Variants in NPAS3 observed in about 807,000 individuals in gnomAD.
The protein encoded by NPAS3 is neuronal PAS domain protein 3, also known as neuronal PAS domain-containing protein 3.
In NPAS3, 14 loss-of-function variants were observed where a neutral mutation model predicts 73.1. That is an observed-to-expected ratio of 0.19 (90% CI 0.13 to 0.30). The LOEUF (loss-of-function observed/expected upper bound fraction) is 0.30, where lower values mean the gene tolerates loss of function less well. Ranked by LOEUF, NPAS3 falls within the 10% of genes least tolerant of loss-of-function variation. The pLI, the probability that NPAS3 is intolerant of heterozygous loss-of-function variation, is 1.00. For missense variants in NPAS3, 1,096 were observed against 1,250.0 expected, an observed-to-expected ratio of 0.88 and a Z score of 1.86; for synonymous variants, 620 against 541.5, an observed-to-expected ratio of 1.14 and a Z score of -2.01.
chr14:33,194,084 T>G (rs776415178), intron 2 of NPAS3, among the ~76,000 whole-genome samples: 1 of 152,218 alleles, frequency 6.6e-6, no homozygotes. Context: ...AAAAATGTTT[T>G]ATTTTCTGCC....
chr14:33,125,272 A>G (rs1340993506), intron 2 of NPAS3, among the ~76,000 whole-genome samples: 3 of 152,080 alleles, frequency 2.0e-5, no homozygotes, highest in African/African-American at 7.2e-5. Context: ...TAGGTCATAT[A>G]TGAGATATGA....
downstream of NPAS3, chr14:33,802,387 A>G (rs546190888): frequency 6.0e-5 from 9 of 150,448 alleles, no homozygotes; most frequent in Admixed American, 2.0e-4. Context: ...AAAAAAAAAA[A>G]AAAAGAAAAA....
At chr14:33,695,764 A>C (rs2060359369) in intron 6 of NPAS3, among the ~76,000 whole-genome samples, 1 of 152,214 alleles carries the variant, frequency 6.6e-6, no homozygotes, top group East Asian at 1.9e-4. Flanking sequence ...CAAAGACAAA[A>C]GAAAGAACAA....
chr14:33,666,220 G>C (rs1270924524), intron 5 of NPAS3, among the ~76,000 whole-genome samples: 8 of 152,110 alleles, frequency 5.3e-5, no homozygotes, highest in East Asian at 3.8e-4. Context: ...CAACATCCTA[G>C]GCTTAGTCCA....
chr14:33,019,174 C>G (rs2039500738), intron 1 of NPAS3, among the ~76,000 whole-genome samples: 1 of 152,218 alleles, frequency 6.6e-6, no homozygotes. Flanking sequence ...CCTCCCCACC[C>G]AGGTGTCAGG....
At chr14:33,343,680 G>A (rs1036294673) in intron 3 of NPAS3, among the ~76,000 whole-genome samples, 5 of 152,190 alleles carry the variant, frequency 3.3e-5, no homozygotes, top group Non-Finnish European at 4.4e-5. Flanking sequence ...GGTCTCGTTC[G>A]TGGTTTGAAA....
chr14:33,731,200 T>C (rs1014827645), intron 6 of NPAS3, among the ~76,000 whole-genome samples: 23 of 152,118 alleles, frequency 1.5e-4, no homozygotes, highest in African/African-American at 5.3e-4. Flanking sequence ...GGGCCAAGGC[T>C]GTGAATCCCT....
chr14:33,320,453 A>T (rs2043393944), intron 3 of NPAS3, among the ~76,000 whole-genome samples: 1 of 152,168 alleles, frequency 6.6e-6, no homozygotes, highest in South Asian at 2.1e-4. Context: ...AAAATTTTTA[A>T]AAAAGAAAGA....
chr14:33,467,115 C>T (rs1020782667), intron 4 of NPAS3, among the ~76,000 whole-genome samples: 5 of 152,158 alleles, frequency 3.3e-5, no homozygotes, highest in Non-Finnish European at 4.4e-5. Flanking sequence ...ACCAGAACCG[C>T]GTGAGTGACT....
At chr14:33,074,736 C>T (rs1201072103) in intron 2 of NPAS3, among the ~76,000 whole-genome samples, 1 of 152,132 alleles carries the variant, frequency 6.6e-6, no homozygotes, top group African/African-American at 2.4e-5. Flanking sequence ...TTCTTAAAGG[C>T]AGATCCCATC....
upstream of NPAS3, chr14:32,935,086 T>G: frequency 1.3e-6 from 1 of 764,822 alleles, no homozygotes; most frequent in Non-Finnish European, 1.7e-6. Flanking sequence ...GTTTTGTGTC[T>G]TACAACACAC....
chr14:33,607,660 T>C (rs999163443), intron 5 of NPAS3, among the ~76,000 whole-genome samples: 11 of 152,208 alleles, frequency 7.2e-5, no homozygotes, highest in African/African-American at 2.4e-4. Flanking sequence ...ATATGCAGCT[T>C]ATTCTTTGTC....
intron 4 of NPAS3, among the ~76,000 whole-genome samples, chr14:33,506,514 C>G (rs1340188900): frequency 3.3e-5 from 5 of 151,988 alleles, no homozygotes; most frequent in African/African-American, 7.2e-5. Flanking sequence ...CAAATGCTCT[C>G]CACTAAATGG....
At chr14:33,015,822 T>G (rs1406064966) in intron 1 of NPAS3, among the ~76,000 whole-genome samples, 1 of 152,226 alleles carries the variant, frequency 6.6e-6, no homozygotes, top group Non-Finnish European at 1.5e-5. Flanking sequence ...CTTCTTTGTA[T>G]TTTTAAATGT....
At chr14:33,753,357 A>AT (rs1049794465) in intron 7 of NPAS3, among the ~76,000 whole-genome samples, 2 of 130,716 alleles carry the variant, frequency 1.5e-5, no homozygotes, top group East Asian at 2.0e-4. Context: ...TGTTAAATTG[A>AT]TAAAAAAAAA....
chr14:33,418,203 A>G (rs1364678480), intron 4 of NPAS3, among the ~76,000 whole-genome samples: 2 of 151,946 alleles, frequency 1.3e-5, no homozygotes, highest in Non-Finnish European at 2.9e-5. Flanking sequence ...CAGTAAAGTA[A>G]TTGGTGTGCA....
At chr14:33,504,509 C>A (rs2052666571) in intron 4 of NPAS3, among the ~76,000 whole-genome samples, 2 of 151,854 alleles carry the variant, frequency 1.3e-5, no homozygotes, top group Non-Finnish European at 2.9e-5. Flanking sequence ...TCTAACAGTC[C>A]CTTTGTAGCA....
At chr14:33,405,047 C>T (rs2047604817) in intron 4 of NPAS3, among the ~76,000 whole-genome samples, 2 of 152,140 alleles carry the variant, frequency 1.3e-5, no homozygotes, top group South Asian at 4.1e-4. Flanking sequence ...CTACCCAAGT[C>T]CTTGATTTTG....
At chr14:33,793,263 A>G (rs1336830975) in intron 9 of NPAS3, among the ~76,000 whole-genome samples, 2 of 152,206 alleles carry the variant, frequency 1.3e-5, no homozygotes, top group African/African-American at 4.8e-5. Flanking sequence ...CCCTTAGGCC[A>G]GTGTTTCTCT....
Sources: gnomAD v4.1 joint callset for allele counts (sites outside exome capture counted in the v4.1 genomes callset) on GRCh38, gnomAD v4.1.1 for gene constraint, MANE v1.5 for transcripts, NCBI Gene and HGNC (gene_info 2026-07-23, HGNC 2026-07-21) for gene names.